The following ZFYVE27 variants were observed in gnomAD, a reference collection of about 807,000 sequenced individuals.
ZFYVE27 encodes zinc finger FYVE-type containing 27.
ZFYVE27 carries 36 observed loss-of-function variants against 52.8 expected under a neutral mutation model. The observed-to-expected ratio is 0.68, with a 90% CI of 0.52 to 0.90. The LOEUF (loss-of-function observed/expected upper bound fraction) is 0.90, where lower values mean the gene tolerates loss of function less well. Among genes scored for constraint, ZFYVE27 ranks in the 40% least tolerant of loss-of-function variants. The pLI is 0.00. For synonymous variants in ZFYVE27, 223 were observed against 215.6 expected, an observed-to-expected ratio of 1.03 and a Z score of -0.30; for missense variants, 450 against 527.2, an observed-to-expected ratio of 0.85 and a Z score of 1.43.
At chr10:97,745,371 G>T (rs564311368) in intron 4 of ZFYVE27, among the ~76,000 whole-genome samples, 1 of 151,812 alleles carries the variant, frequency 6.6e-6, no homozygotes, top group African/African-American at 2.4e-5. Context: ...AGTAGAGACC[G>T]GGTTTCACCA....
rs2049341421 is a variant in ZFYVE27, at chr10:97,760,799, A to T, written c.*1499A>T. The T allele has an allele frequency of 6.6e-6, 1 of 152,256 alleles. No individual in the cohort carries two copies. Among genetic ancestry groups the T allele is most frequent in the South Asian group, 2.1e-4 (1 of 4,830 alleles). The allele number at this position is 152,256 out of a possible 1,614,324, so 9.4% of individuals were successfully genotyped here. ...TATCGCCTCTGTGTCCTTTTAAGAG[A>T]GGAGAGTTCAGTACCCCGTGCTTTC... On this transcript the variant is annotated 3_prime_UTR_variant, in exon 13 of 13. Coordinates refer to ENST00000684270, the MANE Select transcript of ZFYVE27 (RefSeq NM_001385875.1).
rs987755139 is a variant in ZFYVE27, at chr10:97,749,724, C to G, written c.664+138C>G. ...GTGCAACACCACACTGGGGTCCTCTCTCATGGGCTCTGCATCTCTGAGATG... is the reference window on the plus strand; with the variant it reads ...GTGCAACACCACACTGGGGTCCTCTGTCATGGGCTCTGCATCTCTGAGATG... On this transcript the variant is annotated intron_variant, in intron 6 of 12. Coordinates refer to ENST00000684270, the MANE Select transcript of ZFYVE27 (RefSeq NM_001385875.1). 5 of 725,608 alleles carry G rather than the reference C, an allele frequency of 6.9e-6. No homozygotes were observed. The East Asian group carries it at 8.0e-5, about 12-fold the overall frequency. 44.9% of individuals were successfully genotyped at this position (725,608 alleles called of 1,614,324 possible).
At position 97,757,636 on chromosome 10, in the gene ZFYVE27, C is replaced by G. The variant is rs757401581; in HGVS notation, c.1090-6C>G. 4.3e-6 allele frequency: 7 copies of G among 1,614,214 alleles called. No individual in the cohort carries two copies. The highest frequency in any genetic ancestry group is 4.2e-6 in the Non-Finnish European group (5 of 1,180,010). ...GGACACATCTGACCTTGGCTCTTGT[C>G]TGCAGCGGAGCTGCAGTAATTGTGG... On this transcript the variant is annotated splice_polypyrimidine_tract_variant and splice_region_variant and intron_variant, in intron 11 of 12. Coordinates refer to ENST00000684270, the MANE Select transcript of ZFYVE27 (RefSeq NM_001385875.1).
At chr10:97,753,332 C>G (rs2047488362) in intron 10 of ZFYVE27, 150 bp downstream of exon 10, 2 of 1,254,234 alleles carry the variant, frequency 1.6e-6, no homozygotes, top group Non-Finnish European at 2.2e-6. Flanking sequence ...GTCCGCGGGA[C>G]CCCGGGGAGC....
Position 97,738,655 on chromosome 10 carries a change from G to C in ZFYVE27, c.178G>C (p.Gly60Arg). 1 of 1,614,214 alleles carries C rather than the reference G, an allele frequency of 6.2e-7. No individual in the cohort carries two copies. Among genetic ancestry groups the C allele is most frequent in the African/African-American group, 1.3e-5 (1 of 75,056 alleles). Residue 60 changes from glycine to arginine, a missense_variant, in exon 2 of 13, where the codon GGT becomes CGT. Coordinates refer to ENST00000684270, the MANE Select transcript of ZFYVE27 (RefSeq NM_001385875.1). ...GGAACCCTTGAAGGATGCAGGTGAT[G>C]GTGTTCGATACTTGCTCAGGTACAG... ...YLEPLKDAGD[G>R]VRYLLRWQMP...
intron 2 of ZFYVE27, among the ~76,000 whole-genome samples, chr10:97,741,856 C>T (rs530899361): frequency 6.6e-6 from 1 of 152,326 alleles, no homozygotes; most frequent in South Asian, 2.1e-4. Flanking sequence ...TTAGCCCCAG[C>T]ACGGTAGCTT....
rs770342659 is a variant in ZFYVE27, at chr10:97,738,635, C to T, written c.158C>T (p.Pro53Leu). The T allele has an allele frequency of 6.2e-7, 1 of 1,614,042 alleles. No individual in the cohort carries two copies. Among genetic ancestry groups the T allele is most frequent in the Non-Finnish European group, 8.5e-7 (1 of 1,180,038 alleles). Residue 53 changes from proline (P) to leucine (L), a missense_variant, in exon 2 of 13, where the codon CCC becomes CTC. Physicochemically the swap from Pro to Leu is moderately conservative, Grantham distance 98 (BLOSUM62 -3). Transcript: ENST00000684270. ...AAGAGGCTGGAGATCTACCTGGAAC[C>T]CTTGAAGGATGCAGGTGATGGTGTT... ...SYKRLEIYLE[P>L]LKDAGDGVRY...
At chr10:97,755,838 C>A (rs1346603407) in intron 10 of ZFYVE27, among the ~76,000 whole-genome samples, 2 of 152,166 alleles carry the variant, frequency 1.3e-5, no homozygotes, top group Non-Finnish European at 2.9e-5. Flanking sequence ...CCTTAGTGCC[C>A]CTGCTGTCAT....
intron 5 of ZFYVE27, 57 bp from the exon 6 acceptor site, chr10:97,749,417 C>G: frequency 7.2e-7 from 1 of 1,379,522 alleles, no homozygotes; most frequent in Non-Finnish European, 1.0e-6. Context: ...GTGCTCCAAA[C>G]CCGTCTCCTT....
intron 4 of ZFYVE27, 35 bp downstream of exon 4, chr10:97,744,950 A>G: frequency 6.5e-7 from 1 of 1,544,030 alleles, no homozygotes; most frequent in Non-Finnish European, 8.7e-7. Flanking sequence ...AGGTGGGGGA[A>G]CAGTAACAGC....
rs187584518 is a variant in ZFYVE27, at chr10:97,753,793, C to T, written c.1042+611C>T. Among the ~76,000 whole-genome samples, 160 of 152,300 alleles carry T rather than the reference C, an allele frequency of 1.1e-3. 1 individual carries two copies. Among genetic ancestry groups the T allele is most frequent in the African/African-American group, 3.7e-3 (154 of 41,558 alleles). On this transcript the variant is annotated intron_variant, in intron 10 of 12. Transcript: ENST00000684270. The stretch of plus-strand genomic sequence containing the variant: ...TGGGTTCCTAGGATCCTGTCTTGGT[C>T]TTTCTTATCCAGCTGGAAGCAAGTT...
intron 9 of ZFYVE27, 27 bp from the exon 10 acceptor site, chr10:97,753,011 C>T (rs1407096160): frequency 3.1e-6 from 5 of 1,612,618 alleles, no homozygotes; most frequent in Non-Finnish European, 4.2e-6. Flanking sequence ...AAGAGGTGGG[C>T]AGGACTGGAA....
rs981349564 is a variant in ZFYVE27, at chr10:97,753,399, C to G, written c.1042+217C>G. Reference sequence around the variant, plus strand: ...TGGGTGTGGGTTCCTTCTTGTCCCTCCATCCTGATTGGACATTCAGTTGTG... The same window carrying G: ...TGGGTGTGGGTTCCTTCTTGTCCCTGCATCCTGATTGGACATTCAGTTGTG... On this transcript the variant is annotated intron_variant, in intron 10 of 12. Coordinates refer to ENST00000684270, the MANE Select transcript of ZFYVE27 (RefSeq NM_001385875.1). Among the ~76,000 whole-genome samples, 4 of 152,256 alleles carry G rather than the reference C, an allele frequency of 2.6e-5. No individual in the cohort carries two copies. In the East Asian group the frequency reaches 5.8e-4, roughly 22 times the overall value.
intron 6 of ZFYVE27, 80 bp from the exon 7 acceptor site, chr10:97,750,251 C>T: frequency 1.3e-6 from 2 of 1,564,978 alleles, no homozygotes; most frequent in Non-Finnish European, 1.7e-6. Flanking sequence ...GGCCAGCCAG[C>T]TGCAGAAGTG....
intron 12 of ZFYVE27, 105 bp from the exon 13 acceptor site, chr10:97,759,130 TG>T: frequency 1.7e-6 from 2 of 1,196,496 alleles, no homozygotes; most frequent in Non-Finnish European, 2.5e-6. Context: ...GGGTGTGGGC[TG>T]GGTGGGGGGT....
intron 10 of ZFYVE27, among the ~76,000 whole-genome samples, chr10:97,754,209 T>C (rs1305251808): frequency 2.0e-5 from 3 of 152,284 alleles, no homozygotes; most frequent in East Asian, 3.9e-4. Flanking sequence ...GGGTCCTGCC[T>C]TCCTACCCCT....
rs933450946 is a variant in ZFYVE27 at position 97,742,319 on chromosome 10, C to T, written c.198-775C>T. On this transcript the variant is annotated intron_variant, in intron 2 of 12. Coordinates refer to ENST00000684270, the MANE Select transcript of ZFYVE27 (RefSeq NM_001385875.1). ...CCTACTAAATGTCCTTTATCAGGGACGGAGCCAGCAGCATTTGCTTGTTCT... is the reference window on the plus strand; with the variant it reads ...CCTACTAAATGTCCTTTATCAGGGATGGAGCCAGCAGCATTTGCTTGTTCT... 5.9e-5 allele frequency among the ~76,000 whole-genome samples: 9 copies of T among 151,962 alleles called. No homozygotes were observed. In the South Asian group the frequency reaches 1.5e-3, roughly 25 times the overall value.
intron 12 of ZFYVE27, chr10:97,758,128 T>C (rs1459584989): frequency 6.2e-6 from 1 of 161,148 alleles, no homozygotes; most frequent in Non-Finnish European, 1.4e-5. Context: ...AAATATAAAA[T>C]ATTTCCTATA....
chr10:97,757,239 G>T (rs749322071), intron 10 of ZFYVE27, 26 bp from the exon 11 acceptor site: 1 of 1,614,156 alleles, frequency 6.2e-7, no homozygotes, highest in African/African-American at 1.3e-5. Flanking sequence ...ATGGGCGGGG[G>T]TTGAGCTGCT....
Sources: gnomAD v4.1 joint callset for allele counts (sites outside exome capture counted in the v4.1 genomes callset) on GRCh38, gnomAD v4.1.1 for gene constraint, MANE v1.5 for transcripts, NCBI Gene and HGNC (gene_info 2026-07-23, HGNC 2026-07-21) for gene names.